Variants in LRMDA observed in about 807,000 individuals in gnomAD.
LRMDA encodes the protein leucine-rich melanocyte differentiation-associated protein.
In LRMDA, 18 loss-of-function variants were observed where a neutral mutation model predicts 29.8. That is an observed-to-expected ratio of 0.60 (90% CI 0.42 to 0.90). The LOEUF is 0.90. LRMDA is among the 40% of genes least tolerant of loss of function. The pLI is 0.00. For missense variants in LRMDA, 273 were observed against 273.9 expected (o/e 1.00, Z 0.02); for synonymous variants, 125 against 109.4 (o/e 1.14, Z -0.89).
At chr10:75,699,763 A>G (rs1842282446) in intron 2 of LRMDA, among the ~76,000 whole-genome samples, 1 of 152,228 alleles carries the variant, frequency 6.6e-6, no homozygotes, top group Non-Finnish European at 1.5e-5. Flanking sequence ...CTTATATGGA[A>G]AAAGGGTCTT....
intron 2 of LRMDA, among the ~76,000 whole-genome samples, chr10:76,018,851 T>C (rs1847924268): frequency 6.6e-6 from 1 of 152,116 alleles, no homozygotes; most frequent in African/African-American, 2.4e-5. Context: ...TAGGCGTGAG[T>C]GAGCCACCGT....
intron 2 of LRMDA, among the ~76,000 whole-genome samples, chr10:75,575,458 A>T (rs1840491859): frequency 6.6e-6 from 1 of 152,152 alleles, no homozygotes; most frequent in African/African-American, 2.4e-5. Context: ...AAGACAGAAT[A>T]GGGGTATAGG....
chr10:76,560,159 G>A lies in LRMDA; in HGVS notation c.*2871G>A, dbSNP rs1158936165. 1 of 152,096 alleles carries A rather than the reference G, an allele frequency of 6.6e-6. No homozygotes were observed. The highest frequency in any genetic ancestry group is 1.5e-5 in the Non-Finnish European group (1 of 68,044). The allele number at this position is 152,096 out of a possible 1,614,324, so 9.4% of individuals were successfully genotyped here. ...CATGTATACTAAGGAATAAAAGAAAGCAAACCACAGATTCTGGATGAAAGG... is the reference window on the plus strand; with the variant it reads ...CATGTATACTAAGGAATAAAAGAAAACAAACCACAGATTCTGGATGAAAGG... On this transcript the variant is annotated 3_prime_UTR_variant, in exon 7 of 7. Coordinates refer to ENST00000611255, the MANE Select transcript of LRMDA (RefSeq NM_001305581.2).
At chr10:75,446,246 C>G (rs1356287781) in intron 2 of LRMDA, among the ~76,000 whole-genome samples, 1 of 152,236 alleles carries the variant, frequency 6.6e-6, no homozygotes, top group East Asian at 1.9e-4. Context: ...CTGCTTCTGT[C>G]ACTCACCTGT....
At chr10:76,395,438 T>C (rs1282972033) in intron 6 of LRMDA, among the ~76,000 whole-genome samples, 1 of 152,188 alleles carries the variant, frequency 6.6e-6, no homozygotes, top group Non-Finnish European at 1.5e-5. Context: ...GGGATCTGGA[T>C]GGAAATGAAA....
intron 5 of LRMDA, among the ~76,000 whole-genome samples, chr10:76,181,218 C>T (rs1851042980): frequency 6.6e-6 from 1 of 152,188 alleles, no homozygotes; most frequent in African/African-American, 2.4e-5. Context: ...GGCCCACTGA[C>T]CTCTTCCAGG....
At chr10:75,539,006 A>C (rs957421472) in intron 2 of LRMDA, among the ~76,000 whole-genome samples, 2 of 152,186 alleles carry the variant, frequency 1.3e-5, no homozygotes, top group Non-Finnish European at 2.9e-5. Flanking sequence ...AATTGAGTGA[A>C]AGCTTTTTAG....
chr10:76,518,699 AC>A (rs1198849969), intron 6 of LRMDA, among the ~76,000 whole-genome samples: 1 of 152,166 alleles, frequency 6.6e-6, no homozygotes, highest in Non-Finnish European at 1.5e-5. Flanking sequence ...ACTTAAAGCA[AC>A]TATTTATGTA....
chr10:75,682,821 C>G (rs1842040447), intron 2 of LRMDA, among the ~76,000 whole-genome samples: 1 of 152,104 alleles, frequency 6.6e-6, no homozygotes, highest in East Asian at 1.9e-4. Context: ...GCATCAATCC[C>G]CCTGAGACTG....
chr10:75,943,327 C>T (rs1846426475), intron 2 of LRMDA, among the ~76,000 whole-genome samples: 1 of 152,102 alleles, frequency 6.6e-6, no homozygotes, highest in Admixed American at 6.5e-5. Context: ...TTAGTCATCC[C>T]AACAACCTGT....
chr10:75,849,804 A>G (rs1844702041), intron 2 of LRMDA, among the ~76,000 whole-genome samples: 1 of 152,224 alleles, frequency 6.6e-6, no homozygotes, highest in Non-Finnish European at 1.5e-5. Flanking sequence ...TGAAAAAACC[A>G]TTTACTGAAG....
chr10:76,547,541 A>G (rs1843436229), intron 6 of LRMDA, among the ~76,000 whole-genome samples: 1 of 152,080 alleles, frequency 6.6e-6, no homozygotes, highest in African/African-American at 2.4e-5. Context: ...TGCTTTCCTA[A>G]CTTCATGCTG....
intron 6 of LRMDA, among the ~76,000 whole-genome samples, chr10:76,531,562 A>G (rs1355239254): frequency 6.6e-6 from 1 of 152,004 alleles, no homozygotes; most frequent in Non-Finnish European, 1.5e-5. Flanking sequence ...ATTTTTTTAA[A>G]TTGGTTGATA....
chr10:76,158,560 A>T (rs946493899), intron 5 of LRMDA, among the ~76,000 whole-genome samples: 4 of 152,222 alleles, frequency 2.6e-5, no homozygotes, highest in African/African-American at 9.6e-5. Flanking sequence ...CGAAGAAACA[A>T]CAAAGAATTA....
chr10:76,046,278 A>G (rs1848437349), intron 3 of LRMDA, among the ~76,000 whole-genome samples: 4 of 152,088 alleles, frequency 2.6e-5, no homozygotes, highest in Admixed American at 2.6e-4. Context: ...AACCCTTTCC[A>G]GTACCTGTGA....
At chr10:76,039,519 T>C (rs1478331930) in intron 3 of LRMDA, among the ~76,000 whole-genome samples, 1 of 152,234 alleles carries the variant, frequency 6.6e-6, no homozygotes, top group Non-Finnish European at 1.5e-5. Flanking sequence ...TTTTCCACTT[T>C]GGTTTGACTC....
At chr10:76,340,194 A>T (rs1841022139) in intron 6 of LRMDA, among the ~76,000 whole-genome samples, 1 of 152,136 alleles carries the variant, frequency 6.6e-6, no homozygotes, top group Non-Finnish European at 1.5e-5. Flanking sequence ...AAATGGGATT[A>T]TATATAAGGA....
At chr10:75,941,589 G>A (rs1846393062) in intron 2 of LRMDA, among the ~76,000 whole-genome samples, 1 of 152,100 alleles carries the variant, frequency 6.6e-6, no homozygotes, top group Admixed American at 6.5e-5. Context: ...TTCCTGCATT[G>A]TAACCTCGTG....
intron 2 of LRMDA, among the ~76,000 whole-genome samples, chr10:75,476,426 C>T (rs1021185737): frequency 5.3e-5 from 8 of 152,212 alleles, no homozygotes; most frequent in African/African-American, 1.9e-4. Context: ...GTTCTTGTCT[C>T]CTTTATCTCA....
Sources: allele counts gnomAD v4.1 joint callset (sites outside exome capture counted in the v4.1 genomes callset), GRCh38; gene constraint gnomAD v4.1.1; transcripts MANE v1.5; gene names NCBI Gene and HGNC (gene_info 2026-07-23, HGNC 2026-07-21).